STPG2: variants seen among roughly 807,000 people sequenced by gnomAD.
The protein encoded by STPG2 is sperm-tail PG-rich repeat-containing protein 2.
STPG2 carries 56 observed loss-of-function variants against 54.2 expected under a neutral mutation model. The ratio of observed to expected loss-of-function variants is 1.03; its 90% CI spans 0.83 to 1.29. STPG2 has a LOEUF of 1.29. Among genes scored for constraint, STPG2 ranks in the 50% most tolerant of loss-of-function variants. The pLI is 0.00. For synonymous variants in STPG2, 200 were observed against 181.8 expected, an observed-to-expected ratio of 1.10 and a Z score of -0.81; for missense variants, 596 against 544.9, an observed-to-expected ratio of 1.09 and a Z score of -0.93.
At chr4:97,607,494 T>C (rs950707629) in intron 10 of STPG2, among the ~76,000 whole-genome samples, 1 of 152,024 alleles carries the variant, frequency 6.6e-6, no homozygotes, top group African/African-American at 2.4e-5. Context: ...AAAAGAACTA[T>C]CACTGTTCTA....
At chr4:97,699,264 C>T (rs1022368256) in intron 10 of STPG2, among the ~76,000 whole-genome samples, 2 of 152,190 alleles carry the variant, frequency 1.3e-5, no homozygotes, top group Non-Finnish European at 2.9e-5. Flanking sequence ...ACCATGGCCA[C>T]TTTGTTCATG....
intron 10 of STPG2, among the ~76,000 whole-genome samples, chr4:97,678,408 T>G (rs1316290680): frequency 6.6e-6 from 1 of 152,064 alleles, no homozygotes; most frequent in Non-Finnish European, 1.5e-5. Context: ...TTCAAATTAT[T>G]TATTAATAGT....
At chr4:97,532,771 C>A (rs2148854421) in intron 4 of STPG2, among the ~76,000 whole-genome samples, 1 of 152,224 alleles carries the variant, frequency 6.6e-6, no homozygotes, top group African/African-American at 2.4e-5. Flanking sequence ...GATAAGAAAG[C>A]AGATTCAATT....
intron 9 of STPG2, among the ~76,000 whole-genome samples, chr4:97,821,936 T>G (rs1306202255): frequency 6.6e-6 from 1 of 152,168 alleles, no homozygotes; most frequent in Non-Finnish European, 1.5e-5. Context: ...TTTTCCCATG[T>G]CTTGGCTATT....
chr4:97,766,820 T>C (rs1038193801), intron 9 of STPG2, among the ~76,000 whole-genome samples: 1 of 152,082 alleles, frequency 6.6e-6, no homozygotes. Flanking sequence ...CTGTTTCCTC[T>C]ATCTCTTCTA....
At chr4:97,632,816 G>C (rs1200592374) in intron 10 of STPG2, among the ~76,000 whole-genome samples, 2 of 152,104 alleles carry the variant, frequency 1.3e-5, no homozygotes, top group Admixed American at 6.5e-5. Context: ...GAAGTGATCA[G>C]AATAAGGTAA....
chr4:97,975,111 C>T (rs761079483), intron 6 of STPG2, among the ~76,000 whole-genome samples: 32 of 152,248 alleles, frequency 2.1e-4, no homozygotes, highest in African/African-American at 5.3e-4. Context: ...GCAGCAGAAA[C>T]AGTTCCTAGG....
At chr4:97,558,265 T>G (rs1348940773), downstream of STPG2, among the ~76,000 whole-genome samples, 7 of 152,214 alleles carry the variant, frequency 4.6e-5, no homozygotes, top group Non-Finnish European at 8.8e-5. Context: ...ATATAAATCC[T>G]ACTTGATAAT....
intron 5 of STPG2, among the ~76,000 whole-genome samples, chr4:98,008,096 AAAG>A: frequency 6.6e-6 from 1 of 152,292 alleles, no homozygotes; most frequent in South Asian, 2.1e-4. Context: ...GAAGAGGCCC[AAAG>A]AACACCAGTA....
At chr4:97,770,792 A>G (rs1351418032) in intron 9 of STPG2, among the ~76,000 whole-genome samples, 1 of 152,180 alleles carries the variant, frequency 6.6e-6, no homozygotes, top group Non-Finnish European at 1.5e-5. Flanking sequence ...AAACATGAAG[A>G]ATGGAATTGT....
chr4:97,890,280 G>A (rs552388347), intron 8 of STPG2, among the ~76,000 whole-genome samples: 2 of 152,036 alleles, frequency 1.3e-5, no homozygotes, highest in South Asian at 4.1e-4. Flanking sequence ...CTGTAAAAAT[G>A]TTATCATATC....
intron 8 of STPG2, among the ~76,000 whole-genome samples, chr4:97,891,957 G>C (rs1730788544): frequency 6.6e-6 from 1 of 152,044 alleles, no homozygotes; most frequent in African/African-American, 2.4e-5. Context: ...TATCTGGTAT[G>C]TAGTAGAGGT....
intron 7 of STPG2, among the ~76,000 whole-genome samples, chr4:97,964,092 C>G (rs1733999512): frequency 1.3e-5 from 2 of 152,100 alleles, no homozygotes; most frequent in South Asian, 4.1e-4. Flanking sequence ...CTTCAAGTTA[C>G]AAAGGTGACC....
At chr4:97,803,380 G>A (rs1393768197) in intron 9 of STPG2, among the ~76,000 whole-genome samples, 2 of 152,100 alleles carry the variant, frequency 1.3e-5, no homozygotes, top group Non-Finnish European at 2.9e-5. Flanking sequence ...AAAAATACTA[G>A]GTTCTTGACC....
At chr4:97,780,795 C>T (rs970899435) in intron 9 of STPG2, among the ~76,000 whole-genome samples, 2 of 152,028 alleles carry the variant, frequency 1.3e-5, no homozygotes, top group Non-Finnish European at 2.9e-5. Flanking sequence ...AACTGCTCAA[C>T]TACATGGAAC....
intron 10 of STPG2, among the ~76,000 whole-genome samples, chr4:97,618,287 T>A (rs1257484611): frequency 6.6e-6 from 1 of 152,170 alleles, no homozygotes; most frequent in Non-Finnish European, 1.5e-5. Context: ...GAAGCCAGCA[T>A]CAACTTCCAG....
intron 10 of STPG2, among the ~76,000 whole-genome samples, chr4:97,644,373 A>G (rs1721850187): frequency 6.6e-6 from 1 of 151,974 alleles, no homozygotes; most frequent in South Asian, 2.1e-4. Context: ...TGTCTCTCCC[A>G]TGTCACTGCT....
At chr4:97,642,620 A>C (rs1721795789) in intron 10 of STPG2, among the ~76,000 whole-genome samples, 2 of 151,572 alleles carry the variant, frequency 1.3e-5, no homozygotes, top group African/African-American at 4.8e-5. Context: ...TGTTTTCATA[A>C]AGATCATGGT....
At chr4:97,566,756 A>G (rs1404419696) in intron 10 of STPG2, among the ~76,000 whole-genome samples, 4 of 151,822 alleles carry the variant, frequency 2.6e-5, no homozygotes, top group Admixed American at 1.3e-4. Flanking sequence ...ATTGGAAATC[A>G]TCATTCTCAG....
Sources: gnomAD v4.1 joint callset for allele counts (sites outside exome capture counted in the v4.1 genomes callset) on GRCh38, gnomAD v4.1.1 for gene constraint, MANE v1.5 for transcripts, NCBI Gene and HGNC (gene_info 2026-07-23, HGNC 2026-07-21) for gene names.